SHISA6: variants seen among roughly 807,000 people sequenced by gnomAD.
SHISA6 encodes shisa family member 6.
In SHISA6, 22 loss-of-function variants were observed where a neutral mutation model predicts 47.9. The ratio of observed to expected loss-of-function variants is 0.46; its 90% confidence interval spans 0.33 to 0.66. The LOEUF (loss-of-function observed/expected upper bound fraction) is 0.66. Among genes scored for constraint, SHISA6 ranks in the 30% least tolerant of loss-of-function variants. The pLI, the probability that SHISA6 is intolerant of heterozygous loss-of-function variation, is 0.02. For missense variants in SHISA6, 680 were observed against 764.6 expected (o/e 0.89, Z 1.30); for synonymous variants, 388 against 337.8 (o/e 1.15, Z -1.63).
rs547276176 is a variant in SHISA6 at position 11,557,745 on chromosome 17, C to T, written c.1106-9C>T. 1.3e-6 allele frequency: 2 copies of T among 1,530,254 alleles called. No homozygotes were observed. The highest frequency in any genetic ancestry group is 1.4e-5 in the African/African-American group (1 of 72,798). 94.8% of individuals were successfully genotyped at this position (1,530,254 alleles called of 1,614,324 possible). ...AGTTGCCTTCTCTCACTCTGTCTCT[C>T]CCCTGCAGCCGACAAGGAGGCTGAC... On this transcript the variant is annotated splice_polypyrimidine_tract_variant and intron_variant, in intron 5 of 5. Coordinates refer to ENST00000441885, the MANE Select transcript of SHISA6 (RefSeq NM_207386.4).
intron 3 of SHISA6, among the ~76,000 whole-genome samples, chr17:11,445,572 A>T (rs1915205615): frequency 6.6e-6 from 1 of 152,198 alleles, no homozygotes; most frequent in South Asian, 2.1e-4. Flanking sequence ...CCATGAGACA[A>T]TTATTCTCTA....
intron 3 of SHISA6, among the ~76,000 whole-genome samples, chr17:11,535,569 A>C (rs544524343): frequency 6.6e-6 from 1 of 152,314 alleles, no homozygotes; most frequent in African/African-American, 2.4e-5. Flanking sequence ...TTGTCCAAGA[A>C]TCAGCCATTT....
At chr17:11,439,754 A>G (rs1915049145) in intron 3 of SHISA6, among the ~76,000 whole-genome samples, 1 of 152,190 alleles carries the variant, frequency 6.6e-6, no homozygotes, top group Admixed American at 6.5e-5. Flanking sequence ...AAGTAATCAC[A>G]TGCTTGCTCC....
Position 11,350,186 on chromosome 17 carries a change from T to TTTATTTA in SHISA6, c.800-29226_800-29225insATTTATT, listed in dbSNP as rs1555529942. 3.5e-3 allele frequency among the ~76,000 whole-genome samples: 401 copies of TTTATTTA among 114,738 alleles called. 4 individuals carry two copies. Among genetic ancestry groups the TTTATTTA allele is most frequent in the East Asian group, 0.027 (95 of 3,518 alleles). The allele number at this position is 114,738 out of a possible 152,430, so 75.3% of individuals were successfully genotyped here. On this transcript the variant is annotated intron_variant, in intron 2 of 5. Coordinates refer to ENST00000441885, the MANE Select transcript of SHISA6 (RefSeq NM_207386.4). The stretch of plus-strand genomic sequence containing the variant: ...TATTTATTTATTTATTTATTTATTT[T>TTTATTTA]TTTTTTTTTTTGAGACGGAGTCTCG...
chr17:11,467,533 CAA>C (rs1915839449), intron 3 of SHISA6, among the ~76,000 whole-genome samples: 2 of 152,152 alleles, frequency 1.3e-5, no homozygotes, highest in South Asian at 2.1e-4. Flanking sequence ...GAAAGTGAGA[CAA>C]GAGAGGGACC....
At chr17:11,512,854 T>A (rs181726126) in intron 3 of SHISA6, among the ~76,000 whole-genome samples, 4 of 152,272 alleles carry the variant, frequency 2.6e-5, no homozygotes, top group Non-Finnish European at 4.4e-5. Context: ...TGAGGGATCG[T>A]CTATTGCTTG....
intron 2 of SHISA6, among the ~76,000 whole-genome samples, chr17:11,352,626 C>T (rs1048615723): frequency 6.6e-6 from 1 of 152,088 alleles, no homozygotes; most frequent in South Asian, 2.1e-4. Flanking sequence ...GATTGGGGAA[C>T]CAAGAGACCA....
chr17:11,479,355 C>G (rs1177365967), intron 3 of SHISA6, among the ~76,000 whole-genome samples: 2 of 152,042 alleles, frequency 1.3e-5, no homozygotes, highest in East Asian at 3.9e-4. Context: ...CAAACTAACA[C>G]AGGAGCAGAA....
At chr17:11,442,752 G>T (rs781568334) in intron 3 of SHISA6, among the ~76,000 whole-genome samples, 3 of 152,134 alleles carry the variant, frequency 2.0e-5, no homozygotes, top group South Asian at 2.1e-4. Flanking sequence ...CTGTGGGAGT[G>T]GGGGAGGAAG....
intron 3 of SHISA6, among the ~76,000 whole-genome samples, chr17:11,444,810 A>C (rs1247888690): frequency 6.6e-6 from 1 of 152,246 alleles, no homozygotes; most frequent in African/African-American, 2.4e-5. Context: ...TTGGTAAACA[A>C]GATTCAGATG....
intron 2 of SHISA6, among the ~76,000 whole-genome samples, chr17:11,266,963 A>G (rs1908447290): frequency 6.6e-6 from 1 of 152,250 alleles, no homozygotes; most frequent in African/African-American, 2.4e-5. Flanking sequence ...AATGAAAACA[A>G]TAATAACACA....
chr17:11,435,419 G>C (rs182790052), intron 3 of SHISA6, among the ~76,000 whole-genome samples: 22 of 152,046 alleles, frequency 1.4e-4, no homozygotes, highest in Middle Eastern at 3.4e-3. Flanking sequence ...TATCTGTACA[G>C]TACCCAGAAG....
At chr17:11,431,433 C>T (rs1407194039) in intron 3 of SHISA6, among the ~76,000 whole-genome samples, 2 of 152,168 alleles carry the variant, frequency 1.3e-5, no homozygotes, top group African/African-American at 4.8e-5. Flanking sequence ...GAAGGTATAC[C>T]AACTGAGTAA....
chr17:11,282,190 A>G (rs1247790902), intron 2 of SHISA6, among the ~76,000 whole-genome samples: 1 of 152,174 alleles, frequency 6.6e-6, no homozygotes, highest in Admixed American at 6.5e-5. Context: ...ACTTAACCTA[A>G]GTGCGTCTGC....
intron 2 of SHISA6, among the ~76,000 whole-genome samples, chr17:11,312,112 A>G (rs1360147359): frequency 6.6e-6 from 1 of 152,150 alleles, no homozygotes; most frequent in Non-Finnish European, 1.5e-5. Context: ...GTCAGAAATT[A>G]TAACGCTTTA....
intron 2 of SHISA6, among the ~76,000 whole-genome samples, chr17:11,294,979 C>G (rs548654579): frequency 6.6e-6 from 1 of 152,170 alleles, no homozygotes; most frequent in Non-Finnish European, 1.5e-5. Flanking sequence ...CAAGCCCGCA[C>G]ACTAGGATAG....
At chr17:11,429,058 G>C (rs1914680021) in intron 3 of SHISA6, among the ~76,000 whole-genome samples, 1 of 152,064 alleles carries the variant, frequency 6.6e-6, no homozygotes, top group African/African-American at 2.4e-5. Context: ...CAAAGTGCTA[G>C]GATTACAGGT....
intron 3 of SHISA6, among the ~76,000 whole-genome samples, chr17:11,383,990 A>C (rs1247887856): frequency 6.6e-6 from 1 of 151,926 alleles, no homozygotes; most frequent in African/African-American, 2.4e-5. Context: ...CTGAGCATTT[A>C]CTATGTACCA....
rs139805928 is a variant in SHISA6, at chr17:11,562,574, T to C, written c.*4270T>C. On this transcript the variant is annotated 3_prime_UTR_variant, in exon 6 of 6. Coordinates refer to ENST00000441885, the MANE Select transcript of SHISA6 (RefSeq NM_207386.4). ...TATTTGATTTTGGAAGGCAGCATAC[T>C]CTAGGAGAAAAAAAGCATAGGGCTG... The C allele has an allele frequency of 1.3e-5, 2 of 152,252 alleles. No individual in the cohort carries two copies. The highest frequency in any genetic ancestry group is 4.8e-5 in the African/African-American group (2 of 41,540). 9.4% of individuals were successfully genotyped at this position (152,252 alleles called of 1,614,324 possible). A position where few individuals can be genotyped will look rare whatever the true frequency, so the allele number is the denominator to read the frequency against.
Sources: allele counts gnomAD v4.1 joint callset (sites outside exome capture counted in the v4.1 genomes callset), GRCh38; gene constraint gnomAD v4.1.1; transcripts MANE v1.5; gene names NCBI Gene and HGNC (gene_info 2026-07-23, HGNC 2026-07-21).